The following TRIM16 variants were observed in gnomAD, a reference collection of about 807,000 sequenced individuals.
TRIM16 encodes the protein tripartite motif containing 16.
Under a neutral mutation model 50.4 loss-of-function variants are expected in TRIM16, and 33 were observed. The ratio of observed to expected loss-of-function variants is 0.65; its 90% CI spans 0.50 to 0.88. The LOEUF is 0.88. TRIM16 is among the 40% of genes least tolerant of loss of function. TRIM16 has a pLI of 0.00. For missense variants in TRIM16, 581 were observed against 686.8 expected (o/e 0.85, Z 1.72); for synonymous variants, 229 against 270.7 (o/e 0.85, Z 1.51).
chr17:15,669,681 C>T (rs1988644399), intron 6 of TRIM16, among the ~76,000 whole-genome samples: 1 of 152,194 alleles, frequency 6.6e-6, no homozygotes, highest in Non-Finnish European at 1.5e-5. Context: ...TTACAATCAA[C>T]TGCTCACGGT....
rs76742373 is a variant in TRIM16, at chr17:15,628,894, G to C, written c.1416C>G (p.Asn472Lys). The C allele has an allele frequency of 1.2e-6, 2 of 1,614,208 alleles. No individual in the cohort carries two copies. The highest frequency in any genetic ancestry group is 1.7e-5 in the Admixed American group (1 of 60,032). The change falls in exon 12 of 12, where the codon AAC becomes AAG. Residue 472 changes from asparagine (N) to lysine (K), a missense_variant. This residue lies in a region of TRIM16 where 115 missense variants were observed against 106.7 expected (regional missense o/e 1.08). Transcript: ENST00000649191. ...GNNFSWSLQW[N>K]GKEFTAWYSD... Reference sequence around the variant, plus strand: ...TGTACCAGGCCGTGAACTCCTTCCCGTTCCATTGGAGGCTCCAGGAGAAGT... The same window carrying C: ...TGTACCAGGCCGTGAACTCCTTCCCCTTCCATTGGAGGCTCCAGGAGAAGT...
chr17:15,648,256 C>CAAA (rs1186632728), intron 7 of TRIM16, among the ~76,000 whole-genome samples: 1 of 136,966 alleles, frequency 7.3e-6, no homozygotes, highest in Admixed American at 6.9e-5. Context: ...AACAAACAAA[C>CAAA]AAACAAACAA....
chr17:15,654,736 G>A (rs1156980986), intron 6 of TRIM16, among the ~76,000 whole-genome samples: 8 of 152,198 alleles, frequency 5.3e-5, no homozygotes, highest in East Asian at 1.9e-4. Flanking sequence ...TTTGTTTCTC[G>A]CTTCTGTAAT....
intron 11 of TRIM16, among the ~76,000 whole-genome samples, chr17:15,631,320 T>C (rs1301235483): frequency 6.6e-6 from 1 of 152,262 alleles, no homozygotes; most frequent in Non-Finnish European, 1.5e-5. Context: ...TGTAGCAATG[T>C]TATTCCCTGG....
At chr17:15,661,753 A>G (rs138732681) in intron 6 of TRIM16, among the ~76,000 whole-genome samples, 25 of 152,356 alleles carry the variant, frequency 1.6e-4, no homozygotes, top group African/African-American at 2.4e-5. Context: ...CTTAAGCTCC[A>G]TGACGCCATG....
intron 6 of TRIM16, among the ~76,000 whole-genome samples, chr17:15,659,234 C>A (rs754665180): frequency 6.6e-6 from 1 of 152,194 alleles, no homozygotes; most frequent in African/African-American, 2.4e-5. Context: ...AGGTGCACCA[C>A]GGTCATTTCT....
intron 10 of TRIM16, 72 bp downstream of exon 10, chr17:15,632,437 T>A: frequency 2.7e-6 from 4 of 1,465,710 alleles, no homozygotes; most frequent in Non-Finnish European, 3.6e-6. Flanking sequence ...CTTCCCTGAC[T>A]CTCTCTCACC....
intron 6 of TRIM16, among the ~76,000 whole-genome samples, chr17:15,672,725 C>G (rs1397066765): frequency 2.6e-5 from 4 of 152,038 alleles, no homozygotes; most frequent in Admixed American, 2.6e-4. Context: ...AGAGCAAAAC[C>G]CTGTCTCAAA....
chr17:15,665,539 A>G (rs563769223), intron 6 of TRIM16, among the ~76,000 whole-genome samples: 10 of 152,364 alleles, frequency 6.6e-5, no homozygotes, highest in Non-Finnish European at 1.2e-4. Context: ...AAATAAAGAA[A>G]GAAAACAACA....
intron 6 of TRIM16, among the ~76,000 whole-genome samples, chr17:15,661,099 G>C (rs1988217415): frequency 6.6e-6 from 1 of 152,148 alleles, no homozygotes; most frequent in Non-Finnish European, 1.5e-5. Context: ...CAAGTGGTCA[G>C]AGTCCTGATC....
chr17:15,651,754 C>T lies in TRIM16; in HGVS notation c.-145G>A. 6.6e-7 allele frequency: 1 copy of T among 1,508,082 alleles called. No individual in the cohort carries two copies. Among genetic ancestry groups the T allele is most frequent in the Non-Finnish European group, 8.8e-7 (1 of 1,134,042 alleles). The allele number at this position is 1,508,082 out of a possible 1,614,324, so 93.4% of individuals were successfully genotyped here. A position where few individuals can be genotyped will look rare whatever the true frequency, so the allele number is the denominator to read the frequency against. The stretch of plus-strand genomic sequence containing the variant: ...TTCCTCCCTCCCAGAGGAAGCTCGG[C>T]CACTCATTACTGTGTGCTGGCGCTG... On this transcript the variant is annotated 5_prime_UTR_variant, in exon 7 of 12. Coordinates refer to ENST00000649191, the MANE Select transcript of TRIM16 (RefSeq NM_001348119.1).
intron 4 of TRIM16, among the ~76,000 whole-genome samples, chr17:15,680,575 T>C (rs2601984): frequency 1.3e-5 from 2 of 151,976 alleles, no homozygotes; most frequent in Non-Finnish European, 2.9e-5. Flanking sequence ...ATCCTGCCCC[T>C]ACCATCCTTT....
At position 15,681,405 on chromosome 17, in the gene TRIM16, C is replaced by T. The variant is rs61279459; in HGVS notation, c.-678-452G>A. 2.6e-3 allele frequency among the ~76,000 whole-genome samples: 402 copies of T among 152,350 alleles called. 1 individual carries two copies. The highest frequency in any genetic ancestry group is 8.2e-3 in the African/African-American group (340 of 41,568). The stretch of plus-strand genomic sequence containing the variant: ...CATGGTCACAGACACCTTTAGCCAC[C>T]CCATCGTGAGTATTCCAGGCCCACG... On this transcript the variant is annotated intron_variant, in intron 3 of 11. Coordinates refer to ENST00000649191, the MANE Select transcript of TRIM16 (RefSeq NM_001348119.1).
In TRIM16 at chr17:15,631,656, G is replaced by C; in HGVS notation, c.1074C>G (p.Ser358=). Residue 358 remains serine (S), a synonymous_variant, in exon 11 of 12, where the codon TCC becomes TCG. Coordinates refer to ENST00000649191, the MANE Select transcript of TRIM16 (RefSeq NM_001348119.1). ...GTTCCCTGGTGCTGGGCTCAGGTTT[G>C]GAAGTCCAATATTTGCGCTGAACAA... ...SAVVQRKYWT[S]KPEPSTREQF... 1 of 1,613,898 alleles carries C rather than the reference G, an allele frequency of 6.2e-7. No homozygotes were observed. The highest frequency in any genetic ancestry group is 8.5e-7 in the Non-Finnish European group (1 of 1,179,862).
intron 6 of TRIM16, among the ~76,000 whole-genome samples, chr17:15,657,878 C>T (rs1988048578): frequency 6.6e-6 from 1 of 152,326 alleles, no homozygotes; most frequent in Non-Finnish European, 1.5e-5. Context: ...TTCCTCTTAA[C>T]CCCAAGCATT....
At chr17:15,666,998 C>A (rs1461764002) in intron 6 of TRIM16, among the ~76,000 whole-genome samples, 1 of 152,130 alleles carries the variant, frequency 6.6e-6, no homozygotes, top group Non-Finnish European at 1.5e-5. Context: ...TGGAGCAGAA[C>A]TAATAGGCTT....
intron 2 of TRIM16, 37 bp from the exon 3 acceptor site, chr17:15,682,988 A>T: frequency 6.5e-7 from 1 of 1,549,828 alleles, no homozygotes; most frequent in Non-Finnish European, 8.7e-7. Context: ...GTGTGTGCAT[A>T]CTGCAGATTC....
At chr17:15,651,012 ACCTAGCAGCTGCAG>A (rs1987663865) in intron 7 of TRIM16, 65 bp downstream of exon 7, 1 of 1,535,868 alleles carries the variant, frequency 6.5e-7, no homozygotes, top group Non-Finnish European at 8.8e-7. Flanking sequence ...GCGTCAGTGG[ACCTAGCAGCTGCAG>A]CCAGCTGGGC....
Position 15,628,696 on chromosome 17 carries a change from C to T in TRIM16, c.1614G>A (p.Lys538=), listed in dbSNP as rs148415865. 293 of 1,614,062 alleles carry T rather than the reference C, an allele frequency of 1.8e-4. No individual in the cohort carries two copies. Among genetic ancestry groups the T allele is most frequent in the Non-Finnish European group, 2.3e-4 (276 of 1,180,048 alleles). ...CTACAATCCGGATGGCGTTTTCCTT[C>T]TTGGAAAGCCAGAAGGCAGCATAGA... ...EPVYAAFWLS[K]KENAIRIVDL... Residue 538 remains lysine (K), a synonymous_variant, in exon 12 of 12, where the codon AAG becomes AAA. Coordinates refer to ENST00000649191, the MANE Select transcript of TRIM16 (RefSeq NM_001348119.1).
Sources: gnomAD v4.1 joint callset for allele counts (sites outside exome capture counted in the v4.1 genomes callset) on GRCh38, gnomAD v4.1.1 for gene constraint, gnomAD v4.1.1 regional missense constraint, MANE v1.5 for transcripts, NCBI Gene and HGNC (gene_info 2026-07-23, HGNC 2026-07-21) for gene names.